ANTXR1: variants seen among roughly 807,000 people sequenced by gnomAD.
ANTXR1 encodes ANTXR cell adhesion molecule 1, also known as anthrax toxin receptor 1.
In ANTXR1, 19 loss-of-function variants were observed where a neutral mutation model predicts 78.1. The ratio of observed to expected loss-of-function variants is 0.24; its 90% confidence interval spans 0.17 to 0.36. The LOEUF is 0.36. Among genes scored for constraint, ANTXR1 ranks in the 10% least tolerant of loss-of-function variants. The pLI is 1.00. For missense variants in ANTXR1, 518 were observed against 718.6 expected (o/e 0.72, Z 3.19); for synonymous variants, 273 against 260.5 (o/e 1.05, Z -0.46).
intron 3 of ANTXR1, among the ~76,000 whole-genome samples, chr2:69,070,199 C>T (rs750784748): frequency 7.9e-5 from 12 of 152,168 alleles, no homozygotes; most frequent in South Asian, 4.1e-4. Flanking sequence ...CACACCCGTG[C>T]GGTGGCAGTT....
chr2:69,165,024 G>C (rs1388902075), intron 13 of ANTXR1, among the ~76,000 whole-genome samples: 4 of 152,230 alleles, frequency 2.6e-5, no homozygotes, highest in Admixed American at 2.6e-4. Context: ...AGTTCTCAAA[G>C]TGTGGTCCCT....
chr2:69,229,691 C>T lies in ANTXR1; in HGVS notation c.1435-15534C>T, dbSNP rs539074032. 2.8e-3 allele frequency among the ~76,000 whole-genome samples: 423 copies of T among 151,076 alleles called. 3 individuals are homozygous for T. The highest frequency in any genetic ancestry group is 4.1e-3 in the Non-Finnish European group (278 of 67,920). Reference sequence around the variant, plus strand: ...AGACTCTAAATAATATTAGTTCATCCTGGGTCAGACTTTCACTCACTCAGC... The same window carrying T: ...AGACTCTAAATAATATTAGTTCATCTTGGGTCAGACTTTCACTCACTCAGC... On this transcript the variant is annotated intron_variant, in intron 17 of 17. Transcript: ENST00000303714.
chr2:69,152,486 C>T (rs1673424258), intron 13 of ANTXR1, among the ~76,000 whole-genome samples: 1 of 152,120 alleles, frequency 6.6e-6, no homozygotes, highest in South Asian at 2.1e-4. Context: ...ATGGCCGTGC[C>T]CCTTGGGTGG....
intron 1 of ANTXR1, among the ~76,000 whole-genome samples, chr2:69,029,041 ACC>A (rs58379246): frequency 2.9e-4 from 39 of 136,668 alleles, no homozygotes; most frequent in African/African-American, 8.7e-4. Context: ...ACATGTTGAG[ACC>A]CCCCCCCCTC....
chr2:69,055,533 C>T (rs989411883), intron 3 of ANTXR1, among the ~76,000 whole-genome samples: 1 of 152,038 alleles, frequency 6.6e-6, no homozygotes, highest in South Asian at 2.1e-4. Context: ...CTTCTCAATC[C>T]CTTCCTCTGG....
At chr2:69,166,447 C>A in intron 13 of ANTXR1, among the ~76,000 whole-genome samples, 1 of 152,256 alleles carries the variant, frequency 6.6e-6, no homozygotes, top group Non-Finnish European at 1.5e-5. Context: ...ACCTCACCAG[C>A]CCATCTCTTA....
At chr2:69,070,934 CT>C (rs771907162) in intron 4 of ANTXR1, among the ~76,000 whole-genome samples, 46 of 152,130 alleles carry the variant, frequency 3.0e-4, no homozygotes, top group African/African-American at 1.1e-3. Flanking sequence ...TTCCCTGACC[CT>C]GATGAATGGT....
At chr2:69,220,861 A>C (rs1278745032) in intron 17 of ANTXR1, among the ~76,000 whole-genome samples, 1 of 152,212 alleles carries the variant, frequency 6.6e-6, no homozygotes, top group Non-Finnish European at 1.5e-5. Flanking sequence ...CCGTGTATCA[A>C]ATGGTCTTGA....
chr2:69,182,657 C>A lies in ANTXR1; in HGVS notation c.1350C>A (p.Ile450=), dbSNP rs2104463507. 2 of 1,614,166 alleles carry A rather than the reference C, an allele frequency of 1.2e-6. No individual in the cohort carries two copies. Among genetic ancestry groups the A allele is most frequent in the East Asian group, 2.2e-5 (1 of 44,886 alleles). The change falls in exon 16 of 18, where the codon ATC becomes ATA. Residue 450 remains isoleucine, a synonymous_variant. Coordinates refer to ENST00000303714, the MANE Select transcript of ANTXR1 (RefSeq NM_032208.3). ...PSSPRKWYSP[I]KGKLDALWVL... ...CCCCCCGGAAGTGGTACTCTCCAATCAAGGTGTGTCTCTTTACTCAAAAAA... is the reference window on the plus strand; with the variant it reads ...CCCCCCGGAAGTGGTACTCTCCAATAAAGGTGTGTCTCTTTACTCAAAAAA...
chr2:69,184,152 G>C (rs776938325), intron 16 of ANTXR1, among the ~76,000 whole-genome samples: 12 of 152,110 alleles, frequency 7.9e-5, no homozygotes, highest in Non-Finnish European at 1.3e-4. Context: ...GCTAATTTTG[G>C]ATCAGGGCTT....
intron 2 of ANTXR1, among the ~76,000 whole-genome samples, chr2:69,043,189 C>T (rs755872632): frequency 6.6e-6 from 1 of 152,174 alleles, no homozygotes; most frequent in Non-Finnish European, 1.5e-5. Flanking sequence ...CACTTGACTT[C>T]AAGCCCCAGG....
In ANTXR1 at chr2:69,164,554, T is replaced by A. The variant is rs1673776396; in HGVS notation, c.1048-5694T>A. Among the ~76,000 whole-genome samples, 5 of 152,222 alleles carry A rather than the reference T, an allele frequency of 3.3e-5. 1 individual carries two copies. The South Asian group carries it at 1.0e-3, about 32-fold the overall frequency. On this transcript the variant is annotated intron_variant, in intron 13 of 17. Transcript: ENST00000303714. ...ATGTCTTCAAGAGCTTACAGTCCAG[T>A]GCGGAAGACAGAGGAATAAACACAG...
intron 17 of ANTXR1, among the ~76,000 whole-genome samples, chr2:69,205,306 G>A (rs1458484753): frequency 1.3e-5 from 2 of 152,092 alleles, no homozygotes; most frequent in African/African-American, 4.8e-5. Flanking sequence ...AGGCCAGAAG[G>A]GAGAAGAACT....
In ANTXR1 at chr2:69,204,742, G is replaced by A. The variant is rs13426717; in HGVS notation, c.1434+11327G>A. ...GGAGAAGGCAGAGTTAGTCCTTGCCGCCCAATCCCTTCCCTTCCTGTCCTC... is the reference window on the plus strand; with the variant it reads ...GGAGAAGGCAGAGTTAGTCCTTGCCACCCAATCCCTTCCCTTCCTGTCCTC... On this transcript the variant is annotated intron_variant, in intron 17 of 17. Transcript: ENST00000303714. 3.3e-3 allele frequency among the ~76,000 whole-genome samples: 508 copies of A among 152,182 alleles called. 2 individuals carry two copies. The highest frequency in any genetic ancestry group is 0.012 in the African/African-American group (488 of 41,520).
chr2:69,177,900 CCCA>C (rs1444598644), intron 14 of ANTXR1, among the ~76,000 whole-genome samples: 1 of 152,200 alleles, frequency 6.6e-6, no homozygotes, highest in Non-Finnish European at 1.5e-5. Context: ...CTTCTCATTC[CCCA>C]CAAGCCCCTG....
chr2:69,058,442 C>G (rs1337886667), intron 3 of ANTXR1, among the ~76,000 whole-genome samples: 3 of 151,968 alleles, frequency 2.0e-5, no homozygotes, highest in Non-Finnish European at 4.4e-5. Context: ...TCTGTCCTAT[C>G]TAAAGGAAAC....
intron 13 of ANTXR1, among the ~76,000 whole-genome samples, chr2:69,155,981 A>C (rs1266602398): frequency 6.6e-6 from 1 of 151,680 alleles, no homozygotes; most frequent in East Asian, 1.9e-4. Flanking sequence ...TAAACACCCC[A>C]ATTCCCGATC....
intron 1 of ANTXR1, among the ~76,000 whole-genome samples, chr2:69,035,469 T>C (rs79330815): frequency 0.037 from 5,606 of 152,196 alleles, 305 homozygotes; most frequent in East Asian, 0.22. Context: ...AAGGTGCAGA[T>C]CGAGATACCC....
chr2:69,017,754 G>A (rs1030449667), intron 1 of ANTXR1, among the ~76,000 whole-genome samples: 4 of 152,070 alleles, frequency 2.6e-5, no homozygotes, highest in South Asian at 2.1e-4. Context: ...GAATTCAGTC[G>A]GGGATTTGAA....
Sources: allele counts gnomAD v4.1 joint callset (sites outside exome capture counted in the v4.1 genomes callset), GRCh38; gene constraint gnomAD v4.1.1; transcripts MANE v1.5; gene names NCBI Gene and HGNC (gene_info 2026-07-23, HGNC 2026-07-21).